The following SNRPE variants were observed in gnomAD, a reference collection of about 807,000 sequenced individuals.
SNRPE encodes small nuclear ribonucleoprotein polypeptide E.
For missense variants in SNRPE, 53 were observed against 111.6 expected (o/e 0.48, Z 2.36); for synonymous variants, 35 against 36.7 (o/e 0.95, Z 0.17).
At chr1:203,867,139 G>T (rs1165496930) in intron 4 of SNRPE, among the ~76,000 whole-genome samples, 1 of 147,646 alleles carries the variant, frequency 6.8e-6, no homozygotes, top group Non-Finnish European at 1.5e-5. Context: ...AATTAGCTGG[G>T]CATGGTGGCG....
intron 4 of SNRPE, among the ~76,000 whole-genome samples, chr1:203,867,595 CTT>C (rs1214343096): frequency 3.9e-5 from 6 of 152,274 alleles, no homozygotes; most frequent in African/African-American, 1.2e-4. Flanking sequence ...CTAGATCCCT[CTT>C]TGCCCGGTTC....
At position 203,870,652 on chromosome 1, in the gene SNRPE, A is replaced by C. The variant is rs1332879419; in HGVS notation, c.*720A>C. The C allele has an allele frequency of 6.6e-6, 1 of 152,226 alleles. No individual in the cohort carries two copies. The highest frequency in any genetic ancestry group is 1.5e-5 in the Non-Finnish European group (1 of 68,034). The allele number at this position is 152,226 out of a possible 1,614,324, so 9.4% of individuals were successfully genotyped here. A position where few individuals can be genotyped will look rare whatever the true frequency, so the allele number is the denominator to read the frequency against. On this transcript the variant is annotated 3_prime_UTR_variant, in exon 5 of 5. Transcript: ENST00000414487. ...AGAAATACACCTGTCTCTTATTCTTATCTCTTAAGAATTTTGGTTCTTCCC... is the reference window on the plus strand; with the variant it reads ...AGAAATACACCTGTCTCTTATTCTTCTCTCTTAAGAATTTTGGTTCTTCCC...
intron 4 of SNRPE, among the ~76,000 whole-genome samples, chr1:203,869,034 T>C (rs950495775): frequency 3.3e-5 from 5 of 152,208 alleles, no homozygotes; most frequent in African/African-American, 1.2e-4. Context: ...GGTCATATTA[T>C]TCATAAATTA....
At chr1:203,863,508 A>G in intron 2 of SNRPE, 155 bp from the exon 3 acceptor site, 1 of 596,146 alleles carries the variant, frequency 1.7e-6, no homozygotes, top group Non-Finnish European at 3.0e-6. Context: ...TTTAGTAGAG[A>G]TGGGGTTTCA....
intron 2 of SNRPE, among the ~76,000 whole-genome samples, chr1:203,862,652 C>T (rs1690000592): frequency 6.6e-6 from 1 of 151,742 alleles, no homozygotes; most frequent in African/African-American, 2.4e-5. Flanking sequence ...AACTTAAAGA[C>T]GAAAAAAGGA....
chr1:203,861,779 T>C (rs1689982162), intron 1 of SNRPE, 66 bp downstream of exon 1: 1 of 1,182,570 alleles, frequency 8.5e-7, no homozygotes, highest in Non-Finnish European at 1.3e-6. Flanking sequence ...AGGCGCAGGC[T>C]GAGGGCAGGC....
intron 4 of SNRPE, among the ~76,000 whole-genome samples, chr1:203,867,134 G>A (rs1196181249): frequency 1.0e-5 from 1 of 95,874 alleles, no homozygotes; most frequent in Non-Finnish European, 2.1e-5. Flanking sequence ...AAAAAAATTA[G>A]CTGGGCATGG....
At chr1:203,862,602 A>C (rs1336973259) in intron 2 of SNRPE, among the ~76,000 whole-genome samples, 1 of 152,198 alleles carries the variant, frequency 6.6e-6, no homozygotes, top group African/African-American at 2.4e-5. Flanking sequence ...CAGCCAACTT[A>C]AACCATGTCA....
chr1:203,865,248 C>T (rs376326644), intron 4 of SNRPE, 129 bp downstream of exon 4: 3 of 829,988 alleles, frequency 3.6e-6, no homozygotes, highest in Non-Finnish European at 1.9e-6. Context: ...AGTAGTAGTA[C>T]ACTTTTGAAA....
intron 4 of SNRPE, among the ~76,000 whole-genome samples, chr1:203,868,679 A>AT (rs1558159196): frequency 1.3e-5 from 2 of 151,558 alleles, no homozygotes; most frequent in South Asian, 2.1e-4. Flanking sequence ...TTATTTATTT[A>AT]TTTTTTTGGA....
rs775697760 is a variant in SNRPE, at chr1:203,863,733, T to C, written c.144+8T>C. The C allele has an allele frequency of 7.0e-6, 11 of 1,573,214 alleles. No homozygotes were observed. In the South Asian group the frequency reaches 1.1e-4, roughly 16 times the overall value. ...ATAGAAGGCTGTATCATTGTGAGTA[T>C]CCAGGCGATTTCATCTCATAGCAGT... On this transcript the variant is annotated splice_region_variant and intron_variant, in intron 3 of 4. Coordinates refer to ENST00000414487, the MANE Select transcript of SNRPE (RefSeq NM_003094.4).
chr1:203,865,489 T>C (rs1690068074), intron 4 of SNRPE, among the ~76,000 whole-genome samples: 1 of 152,130 alleles, frequency 6.6e-6, no homozygotes, highest in African/African-American at 2.4e-5. Context: ...GTTTCCTCAG[T>C]TGACAATAAT....
chr1:203,869,098 A>G (rs1045267185), intron 4 of SNRPE, among the ~76,000 whole-genome samples: 11 of 152,178 alleles, frequency 7.2e-5, no homozygotes, highest in African/African-American at 1.7e-4. Context: ...ATAGAATGTT[A>G]TTAATACCTG....
Position 203,869,821 on chromosome 1 carries a change from A to G in SNRPE, c.224-56A>G, listed in dbSNP as rs551244727. The G allele has an allele frequency of 2.5e-6, 3 of 1,221,296 alleles. No homozygotes were observed. In the African/African-American group the frequency reaches 4.6e-5, roughly 19 times the overall value. 75.7% of individuals were successfully genotyped at this position (1,221,296 alleles called of 1,614,324 possible). Reference sequence around the variant, plus strand: ...CAAAAACTGGATACAAAATTCTGAGAGTAAAACATCTGAGTGTGTGGCTAT... The same window carrying G: ...CAAAAACTGGATACAAAATTCTGAGGGTAAAACATCTGAGTGTGTGGCTAT... On this transcript the variant is annotated intron_variant, in intron 4 of 4. Transcript: ENST00000414487.
intron 1 of SNRPE, chr1:203,861,994 T>A (rs1158607177): frequency 3.2e-6 from 2 of 617,406 alleles, no homozygotes; most frequent in African/African-American, 3.7e-5. Flanking sequence ...TTTGGGAAAC[T>A]CCAGGGGGAT....
At chr1:203,862,932 C>A (rs935392635) in intron 2 of SNRPE, among the ~76,000 whole-genome samples, 3 of 152,072 alleles carry the variant, frequency 2.0e-5, no homozygotes, top group Non-Finnish European at 4.4e-5. Context: ...CAAAAACTTT[C>A]ACTCTTAATA....
rs1690026299 is a variant in SNRPE, at chr1:203,863,715, G to C, written c.134G>C (p.Gly45Ala). 2 of 1,599,510 alleles carry C rather than the reference G, an allele frequency of 1.3e-6. No homozygotes were observed. The highest frequency in any genetic ancestry group is 2.2e-5 in the East Asian group (1 of 44,790). The change falls in exon 3 of 5, where the codon GGC becomes GCC. Residue 45 changes from glycine to alanine, a missense_variant. By Grantham distance (60) the Gly-to-Ala change is moderately conservative. Transcript: ENST00000414487. The stretch of plus-strand genomic sequence containing the variant: ...GAGCAAGTGAATATGCGGATAGAAG[G>C]CTGTATCATTGTGAGTATCCAGGCG... ...LYEQVNMRIEGCIIGFDEYMN... is the reference protein window; with the variant it reads ...LYEQVNMRIEACIIGFDEYMN...
chr1:203,869,809 C>T (rs1214739437), intron 4 of SNRPE, 68 bp from the exon 5 acceptor site: 1 of 1,118,148 alleles, frequency 8.9e-7, no homozygotes, highest in Non-Finnish European at 1.3e-6. Flanking sequence ...AAACTGGATA[C>T]AAAATTCTGA....
At position 203,865,107 on chromosome 1, in the gene SNRPE, A is replaced by G. The variant is rs1343054174; in HGVS notation, c.211A>G (p.Arg71Gly). Reference sequence around the variant, plus strand: ...AGAGATTCATTCTAAAACAAAGTCAAGAAAACAACTGGGTAAGGATAGAAG... The same window carrying G: ...AGAGATTCATTCTAAAACAAAGTCAGGAAAACAACTGGGTAAGGATAGAAG... ...AEEIHSKTKS[R>G]KQLGRIMLKG... The change falls in exon 4 of 5, where the codon AGA becomes GGA. Residue 71 changes from arginine to glycine, a missense_variant. Coordinates refer to ENST00000414487, the MANE Select transcript of SNRPE (RefSeq NM_003094.4). 1 of 1,612,796 alleles carries G rather than the reference A, an allele frequency of 6.2e-7. No homozygotes were observed. Among genetic ancestry groups the G allele is most frequent in the Non-Finnish European group, 8.5e-7 (1 of 1,179,278 alleles).
Sources: gnomAD v4.1 joint callset for allele counts (sites outside exome capture counted in the v4.1 genomes callset) on GRCh38, gnomAD v4.1.1 for gene constraint, MANE v1.5 for transcripts, NCBI Gene and HGNC (gene_info 2026-07-23, HGNC 2026-07-21) for gene names.